The following RSPO1 variants were observed in gnomAD, a reference collection of about 807,000 sequenced individuals.
RSPO1 encodes the protein R-spondin-1.
A neutral mutation model predicts 26.0 loss-of-function variants in RSPO1; 18 were observed. That is an observed-to-expected ratio of 0.69 (90% CI 0.48 to 1.03). The LOEUF (loss-of-function observed/expected upper bound fraction) is 1.03. Among genes scored for constraint, RSPO1 ranks in the 50% least tolerant of loss-of-function variants. The probability of loss-of-function intolerance (pLI) is 0.00; values close to 1 mark genes in which losing one functional copy is unlikely to be tolerated. For synonymous variants in RSPO1, 133 were observed against 137.4 expected (o/e 0.97, Z 0.22); for missense variants, 309 against 352.3 (o/e 0.88, Z 0.98).
intron 3 of RSPO1, among the ~76,000 whole-genome samples, chr1:37,625,686 T>C (rs1644264974): frequency 6.6e-6 from 1 of 151,786 alleles, no homozygotes; most frequent in African/African-American, 2.4e-5. Flanking sequence ...GATTCTTTTT[T>C]TTTTTTTTTG....
chr1:37,616,708 T>G, intron 3 of RSPO1, 33 bp from the exon 4 acceptor site: 12 of 1,599,080 alleles, frequency 7.5e-6, no homozygotes, highest in Non-Finnish European at 1.0e-5. Context: ...AGAAGGCGGC[T>G]GTGGAGAGAA....
intron 2 of RSPO1, among the ~76,000 whole-genome samples, 190 bp from the exon 3 acceptor site, chr1:37,630,139 G>A (rs1644335929): frequency 6.6e-6 from 1 of 152,166 alleles, no homozygotes; most frequent in South Asian, 2.1e-4. Flanking sequence ...GACCGGAGCC[G>A]GCAACCTGTG....
chr1:37,618,212 C>G (rs1319078679), intron 3 of RSPO1, among the ~76,000 whole-genome samples: 1 of 152,180 alleles, frequency 6.6e-6, no homozygotes, highest in African/African-American at 2.4e-5. Context: ...CTTGATTCCC[C>G]CAACTATGAA....
chr1:37,632,705 G>T (rs1300327306), intron 1 of RSPO1, among the ~76,000 whole-genome samples: 1 of 152,214 alleles, frequency 6.6e-6, no homozygotes, highest in East Asian at 1.9e-4. Flanking sequence ...CTCGGACTAG[G>T]AACCCTGCAG....
At chr1:37,616,864 C>T (rs1186172460) in intron 3 of RSPO1, among the ~76,000 whole-genome samples, 189 bp from the exon 4 acceptor site, 1 of 152,220 alleles carries the variant, frequency 6.6e-6, no homozygotes, top group Non-Finnish European at 1.5e-5. Flanking sequence ...AGCTTTTCTC[C>T]AGAGAGCTAG....
In RSPO1 at chr1:37,634,208, A is replaced by C. The variant is rs187321843; in HGVS notation, c.-356+358T>G. Among the ~76,000 whole-genome samples the C allele has an allele frequency of 2.5e-3, 377 of 152,288 alleles. 1 individual carries two copies. The highest frequency in any genetic ancestry group is 8.7e-3 in the African/African-American group (362 of 41,558). On this transcript the variant is annotated intron_variant, in intron 1 of 6. Coordinates refer to ENST00000356545, the MANE Select transcript of RSPO1 (RefSeq NM_001242908.2). The surrounding 1 kb of genome is among the most constrained non-coding windows in gnomAD (Gnocchi z 4.7). The stretch of plus-strand genomic sequence containing the variant: ...CGTGGGACTTGGGGGAATCCGAGCC[A>C]ATGAGCCCCAGGATCAAGAACTTCT...
intron 3 of RSPO1, among the ~76,000 whole-genome samples, chr1:37,627,268 GCTGT>G (rs769101142): frequency 6.6e-6 from 1 of 152,026 alleles, no homozygotes; most frequent in Non-Finnish European, 1.5e-5. Flanking sequence ...GGCACACACA[GCTGT>G]CTTGGTCTTC....
In RSPO1 at chr1:37,612,652, G is replaced by A. The variant is rs561842432; in HGVS notation, c.*103C>T. On this transcript the variant is annotated 3_prime_UTR_variant, in exon 7 of 7. Transcript: ENST00000356545. ...TATGTATGCATGGATGGATTGGAGTGTGTGTGTATGCTTTGCCCCCGACGT... is the reference window on the plus strand; with the variant it reads ...TATGTATGCATGGATGGATTGGAGTATGTGTGTATGCTTTGCCCCCGACGT... The A allele has an allele frequency of 5.1e-6, 6 of 1,182,024 alleles. No individual in the cohort carries two copies. The allele number at this position is 1,182,024 out of a possible 1,614,324, so 73.2% of individuals were successfully genotyped here.
chr1:37,613,977 C>T lies in RSPO1; in HGVS notation c.437-85G>A, dbSNP rs563207501. On this transcript the variant is annotated intron_variant, in intron 5 of 6. Transcript: ENST00000356545. The surrounding 1 kb of genome is among the most constrained non-coding windows in gnomAD (Gnocchi z 4.5). ...TCTGGCCCAGAATAGCCCAGGGGAG[C>T]ATCTCCCACTTTCCTTCTGCCTGGA... The T allele has an allele frequency of 3.4e-6, 5 of 1,477,764 alleles. No homozygotes were observed. The highest frequency in any genetic ancestry group is 1.7e-5 in the Admixed American group (1 of 59,338). 91.5% of individuals were successfully genotyped at this position (1,477,764 alleles called of 1,614,324 possible).
Position 37,612,817 on chromosome 1 carries a change from C to A in RSPO1, c.730G>T (p.Gly244Trp), listed in dbSNP as rs1311325293. 2 of 1,613,462 alleles carry A rather than the reference C, an allele frequency of 1.2e-6. No individual in the cohort carries two copies. Among genetic ancestry groups the A allele is most frequent in the Non-Finnish European group, 1.7e-6 (2 of 1,180,050 alleles). The change falls in exon 7 of 7, where the codon GGG becomes TGG. Residue 244 changes from glycine to tryptophan, a missense_variant. Physicochemically the swap from Gly to Trp is radical, Grantham distance 184. Transcript: ENST00000356545. ...EAGAGSRRRKGQQQQQQQGTV... is the reference protein window; with the variant it reads ...EAGAGSRRRKWQQQQQQQGTV... ...CCTTGCTGCTGCTGCTGTTGCTGCC[C>A]CTTGCGTCTTCGAGAGCCAGCACCC...
intron 2 of RSPO1, 192 bp downstream of exon 2, chr1:37,632,095 G>A (rs1163260455): frequency 6.6e-6 from 1 of 152,150 alleles, no homozygotes; most frequent in East Asian, 1.9e-4. Context: ...AATATCCCTG[G>A]GGTTTTTTGG....
rs1166877956 is a variant in RSPO1 at position 37,613,196 on chromosome 1, C to A, written c.626-275G>T. ...GACATCATCCTCTTCCTCATGGATT[C>A]CTCAGACCTTGGATCCCAATGGACC... is the stretch of plus-strand genomic sequence containing the variant. On this transcript the variant is annotated intron_variant, in intron 6 of 6. Transcript: ENST00000356545. This position sits in a 1 kb window ranked among gnomAD's most constrained non-coding sequence, Gnocchi z 4.5. Among the ~76,000 whole-genome samples the A allele has an allele frequency of 6.6e-6, 1 of 152,254 alleles. No homozygotes were observed. The highest frequency in any genetic ancestry group is 1.5e-5 in the Non-Finnish European group (1 of 68,044).
intron 3 of RSPO1, among the ~76,000 whole-genome samples, chr1:37,626,758 T>G (rs978151469): frequency 2.0e-5 from 3 of 152,030 alleles, no homozygotes; most frequent in Non-Finnish European, 4.4e-5. Context: ...GAATGATGGC[T>G]TCCTGGGAGG....
chr1:37,629,546 C>G (rs1440547946), intron 3 of RSPO1, 22 bp downstream of exon 3: 1 of 1,609,240 alleles, frequency 6.2e-7, no homozygotes, highest in East Asian at 2.2e-5. Context: ...CCAGCTGTGG[C>G]CCACCATGCT....
chr1:37,627,632 A>G (rs994474586), intron 3 of RSPO1, among the ~76,000 whole-genome samples: 1 of 149,590 alleles, frequency 6.7e-6, no homozygotes, highest in Non-Finnish European at 1.5e-5. Flanking sequence ...CCTGGGTGAC[A>G]GAGCAAGACT....
rs747003059 is a variant in RSPO1 at position 37,616,562 on chromosome 1, G to A, written c.208C>T (p.Arg70Cys). 10 of 1,614,108 alleles carry A rather than the reference G, an allele frequency of 6.2e-6. No individual in the cohort carries two copies. Among genetic ancestry groups the A allele is most frequent in the Admixed American group, 1.7e-5 (1 of 60,008 alleles). The change falls in exon 4 of 7, where the codon CGC becomes TGC. Residue 70 changes from arginine to cysteine, a missense_variant. By Grantham distance (180) the Arg-to-Cys change is radical. Coordinates refer to ENST00000356545, the MANE Select transcript of RSPO1 (RefSeq NM_001242908.2). ...GACGGCAAGCAGACGCCCACCTGGCGGATGTCGTTCCTCTCCAGCAGGATG... is the reference window on the plus strand; with the variant it reads ...GACGGCAAGCAGACGCCCACCTGGCAGATGTCGTTCCTCTCCAGCAGGATG... ...LFILLERNDIRQVGVCLPSCP... is the reference protein window; with the variant it reads ...LFILLERNDICQVGVCLPSCP...
In RSPO1 at chr1:37,614,276, T is replaced by A. The variant is rs1482866970; in HGVS notation, c.344A>T (p.Lys115Met). The A allele has an allele frequency of 6.8e-6, 11 of 1,613,888 alleles. No individual in the cohort carries two copies. Among genetic ancestry groups the A allele is most frequent in the Non-Finnish European group, 8.5e-6 (10 of 1,180,030 alleles). The change falls in exon 5 of 7, where the codon AAG (lysine) becomes ATG (methionine). Residue 115 changes from lysine to methionine, a missense_variant. Transcript: ENST00000356545. ...CFSHNFCTKCKEGLYLHKGRC... is the reference protein window; with the variant it reads ...CFSHNFCTKCMEGLYLHKGRC... ...GCCCTTGTGCAGGTACAAGCCCTCC[T>A]TACACTTGGTGCAGAAGTTATGGCT...
chr1:37,626,746 A>G (rs1463766755), intron 3 of RSPO1, among the ~76,000 whole-genome samples: 3 of 152,156 alleles, frequency 2.0e-5, no homozygotes, highest in Non-Finnish European at 4.4e-5. Flanking sequence ...GGCTCAATGA[A>G]GGAATGATGG....
rs201963347 is a variant in RSPO1 at position 37,612,843 on chromosome 1, G to C, written c.704C>G (p.Ala235Gly). 2 of 1,613,770 alleles carry C rather than the reference G, an allele frequency of 1.2e-6. No homozygotes were observed. The highest frequency in any genetic ancestry group is 1.3e-5 in the African/African-American group (1 of 74,894). Residue 235 changes from alanine to glycine, a missense_variant, in exon 7 of 7, where the codon GCG (alanine) becomes GGG (glycine). By Grantham distance (60) the Ala-to-Gly change is moderately conservative (BLOSUM62 0). Transcript: ENST00000356545. ...CTTGCGTCTTCGAGAGCCAGCACCC[G>C]CCTCCTTGCTCTCCTTCCTGGCCAG... ...RNLARKESKE[A>G]GAGSRRRKGQ...
Sources: allele counts gnomAD v4.1 joint callset (sites outside exome capture counted in the v4.1 genomes callset), GRCh38; gene constraint gnomAD v4.1.1; non-coding constraint Gnocchi (gnomAD v3.1); transcripts MANE v1.5; gene names NCBI Gene and HGNC (gene_info 2026-07-23, HGNC 2026-07-21).